The following MSL2 variants were observed in gnomAD, a reference collection of about 807,000 sequenced individuals.
MSL2 encodes E3 ubiquitin-protein ligase MSL2.
In MSL2, 2 loss-of-function variants were observed where a neutral mutation model predicts 35.8. The ratio of observed to expected loss-of-function variants is 0.06; its 90% CI spans 0.02 to 0.18. The LOEUF (loss-of-function observed/expected upper bound fraction) is 0.18. MSL2 is among the 10% of genes least tolerant of loss of function. MSL2 has a pLI of 1.00. For synonymous variants in MSL2, 296 were observed against 255.7 expected (o/e 1.16, Z -1.50); for missense variants, 523 against 706.7 (o/e 0.74, Z 2.95).
chr3:136,190,449 T>C (rs1940655827), intron 1 of MSL2, among the ~76,000 whole-genome samples: 1 of 151,360 alleles, frequency 6.6e-6, no homozygotes, highest in Admixed American at 6.6e-5. Flanking sequence ...TTAGCTACTC[T>C]AGAGGCTAAT....
chr3:136,176,536 A>C (rs1026393091), intron 1 of MSL2, among the ~76,000 whole-genome samples: 2 of 151,058 alleles, frequency 1.3e-5, no homozygotes, highest in African/African-American at 4.9e-5. Flanking sequence ...AAAAAAAAAA[A>C]AACTTTTCGG....
At chr3:136,161,257 C>T (rs77450835) in intron 1 of MSL2, among the ~76,000 whole-genome samples, 2 of 152,086 alleles carry the variant, frequency 1.3e-5, no homozygotes, top group African/African-American at 4.8e-5. Context: ...ATATACTGCT[C>T]GTAAAATGTA....
chr3:136,167,802 T>C (rs1939892456), intron 1 of MSL2, among the ~76,000 whole-genome samples: 1 of 152,158 alleles, frequency 6.6e-6, no homozygotes, highest in South Asian at 2.1e-4. Context: ...GGGAAAATAT[T>C]TGGAATGGAA....
chr3:136,163,178 G>A (rs1280594278), intron 1 of MSL2, among the ~76,000 whole-genome samples: 1 of 152,116 alleles, frequency 6.6e-6, no homozygotes, highest in Non-Finnish European at 1.5e-5. Context: ...AGAACTGTTT[G>A]AACCCAGGAG....
intron 1 of MSL2, among the ~76,000 whole-genome samples, chr3:136,177,680 TAAAAAAAAAAAAA>T (rs397738424): frequency 1.3e-5 from 1 of 78,502 alleles, no homozygotes. Context: ...CTCCGTCTCA[TAAAAAAAAAAAAA>T]AAAAAAAAAA....
At chr3:136,156,631 A>C (rs1939532434) in intron 1 of MSL2, among the ~76,000 whole-genome samples, 1 of 152,140 alleles carries the variant, frequency 6.6e-6, no homozygotes, top group South Asian at 2.1e-4. Flanking sequence ...TTGGGAGGCC[A>C]AGGCAGGCGG....
intron 1 of MSL2, among the ~76,000 whole-genome samples, chr3:136,170,497 A>T (rs1032274204): frequency 4.0e-5 from 6 of 151,376 alleles, no homozygotes; most frequent in Admixed American, 2.0e-4. Flanking sequence ...AAAAGGAAAA[A>T]AAACTCTGTC....
chr3:136,161,358 C>T (rs1033100833), intron 1 of MSL2, among the ~76,000 whole-genome samples: 2 of 152,154 alleles, frequency 1.3e-5, no homozygotes, highest in African/African-American at 2.4e-5. Context: ...CAAAATTCTA[C>T]TCCTAGGAAC....
intron 1 of MSL2, among the ~76,000 whole-genome samples, chr3:136,161,586 T>C (rs1386214001): frequency 6.6e-6 from 1 of 152,194 alleles, no homozygotes; most frequent in East Asian, 1.9e-4. Flanking sequence ...AAACATTTGC[T>C]AAGTGAAAGA....
At chr3:136,166,313 G>A (rs1185196439) in intron 1 of MSL2, among the ~76,000 whole-genome samples, 7 of 151,860 alleles carry the variant, frequency 4.6e-5, no homozygotes, top group African/African-American at 7.3e-5. Context: ...GTCTGAGCCC[G>A]GGAGGTGGAG....
At chr3:136,179,682 G>A (rs758072210) in intron 1 of MSL2, among the ~76,000 whole-genome samples, 2 of 152,212 alleles carry the variant, frequency 1.3e-5, no homozygotes, top group African/African-American at 2.4e-5. Context: ...TATTAGGCAA[G>A]ATTATACTAT....
chr3:136,186,673 C>T (rs188586916), intron 1 of MSL2, among the ~76,000 whole-genome samples: 212 of 152,126 alleles, frequency 1.4e-3, no homozygotes, highest in Non-Finnish European at 2.4e-3. Flanking sequence ...TCTCCCATCA[C>T]CCCCAGATGG....
At chr3:136,170,249 A>G (rs1939986294) in intron 1 of MSL2, among the ~76,000 whole-genome samples, 1 of 145,084 alleles carries the variant, frequency 6.9e-6, no homozygotes, top group South Asian at 2.3e-4. Context: ...TCTACTCAGG[A>G]GGCTGAGGCA....
chr3:136,192,394 G>T (rs967123772), intron 1 of MSL2, among the ~76,000 whole-genome samples: 1 of 152,116 alleles, frequency 6.6e-6, no homozygotes, highest in East Asian at 1.9e-4. Context: ...GGCCAGGCTG[G>T]TCTCCAACTC....
chr3:136,194,783 G>C (rs963012392), intron 1 of MSL2, among the ~76,000 whole-genome samples, 189 bp downstream of exon 1: 1 of 151,994 alleles, frequency 6.6e-6, no homozygotes, highest in Non-Finnish European at 1.5e-5. Context: ...CGGTATGAAA[G>C]GGTTCTCTGC....
chr3:136,176,342 C>T (rs909451902), intron 1 of MSL2, among the ~76,000 whole-genome samples: 1 of 150,504 alleles, frequency 6.6e-6, no homozygotes, highest in African/African-American at 2.4e-5. Context: ...AGCAAAACCC[C>T]GTCTCTACTA....
At chr3:136,176,654 G>A (rs980340498) in intron 1 of MSL2, among the ~76,000 whole-genome samples, 8 of 150,874 alleles carry the variant, frequency 5.3e-5, no homozygotes, top group South Asian at 2.1e-4. Flanking sequence ...GTGAGACCCT[G>A]TTACTACAAA....
At chr3:136,179,319 T>C (rs1261642483) in intron 1 of MSL2, among the ~76,000 whole-genome samples, 8 of 152,132 alleles carry the variant, frequency 5.3e-5, no homozygotes. Flanking sequence ...CCCGAGTAGC[T>C]GGGATTACAG....
At chr3:136,184,120 C>G (rs1940443405) in intron 1 of MSL2, among the ~76,000 whole-genome samples, 1 of 151,326 alleles carries the variant, frequency 6.6e-6, no homozygotes. Context: ...ACGGTGAAAC[C>G]CCGTCTCTAC....
Sources: gnomAD v4.1 joint callset for allele counts (sites outside exome capture counted in the v4.1 genomes callset) on GRCh38, gnomAD v4.1.1 for gene constraint, MANE v1.5 for transcripts, NCBI Gene and HGNC (gene_info 2026-07-23, HGNC 2026-07-21) for gene names.